The following GRIA2 variants were observed in gnomAD, a reference collection of about 807,000 sequenced individuals.
The protein encoded by GRIA2 is glutamate ionotropic receptor AMPA type subunit 2, also known as glutamate receptor 2.
A neutral mutation model predicts 97.3 loss-of-function variants in GRIA2; 14 were observed. The ratio of observed to expected loss-of-function variants is 0.14; its 90% confidence interval spans 0.10 to 0.23. GRIA2 has a LOEUF of 0.23. GRIA2 is among the 10% of genes least tolerant of loss of function. The pLI, the probability that GRIA2 is intolerant of heterozygous loss-of-function variation, is 1.00. For missense variants in GRIA2, 558 were observed against 1,069.8 expected (o/e 0.52, Z 6.67); for synonymous variants, 412 against 387.8 (o/e 1.06, Z -0.73).
At chr4:157,223,601 T>C (rs1265264629) in intron 2 of GRIA2, among the ~76,000 whole-genome samples, 1 of 152,236 alleles carries the variant, frequency 6.6e-6, no homozygotes, top group Non-Finnish European at 1.5e-5. Flanking sequence ...GAATTACAAG[T>C]TTGTCATGCA....
chr4:157,308,612 T>C (rs1332908778), intron 3 of GRIA2, among the ~76,000 whole-genome samples: 3 of 152,212 alleles, frequency 2.0e-5, no homozygotes, highest in African/African-American at 7.2e-5. Context: ...CCTAATGTAG[T>C]ACTATGGATA....
chr4:157,348,072 C>T (rs369700086), intron 12 of GRIA2, among the ~76,000 whole-genome samples: 74 of 151,732 alleles, frequency 4.9e-4, no homozygotes, highest in African/African-American at 1.8e-3. Flanking sequence ...GCCGGGATCA[C>T]GCCACTGCAC....
chr4:157,257,614 T>C (rs1561013972), intron 2 of GRIA2, among the ~76,000 whole-genome samples: 1 of 152,124 alleles, frequency 6.6e-6, no homozygotes, highest in African/African-American at 2.4e-5. Context: ...GAGACCAGTA[T>C]ATAATTTTCT....
intron 2 of GRIA2, among the ~76,000 whole-genome samples, chr4:157,251,487 G>C (rs1157223599): frequency 6.6e-6 from 1 of 151,968 alleles, no homozygotes; most frequent in Admixed American, 6.6e-5. Context: ...TTTTTCACTG[G>C]AGTCTGTACA....
intron 2 of GRIA2, among the ~76,000 whole-genome samples, chr4:157,240,127 A>T (rs1730438723): frequency 6.6e-6 from 1 of 152,292 alleles, no homozygotes; most frequent in African/African-American, 2.4e-5. Flanking sequence ...ACAAGTTTTA[A>T]AATAATAAAT....
intron 12 of GRIA2, among the ~76,000 whole-genome samples, chr4:157,357,965 A>C (rs80282920): frequency 0.064 from 9,703 of 152,198 alleles, 338 homozygotes; most frequent in Middle Eastern, 0.14. Context: ...AATGCCTCAA[A>C]ATTGATATTT....
At chr4:157,285,445 C>A (rs1732795006) in intron 2 of GRIA2, among the ~76,000 whole-genome samples, 1 of 151,528 alleles carries the variant, frequency 6.6e-6, no homozygotes, top group Middle Eastern at 3.4e-3. Flanking sequence ...CTCCCTGTGT[C>A]TTGCTTACAC....
At position 157,324,616 on chromosome 4, in the gene GRIA2, C is replaced by T. The variant is rs558553822; in HGVS notation, c.882+3017C>T. 2.2e-4 allele frequency among the ~76,000 whole-genome samples: 34 copies of T among 152,242 alleles called. No individual in the cohort carries two copies. The South Asian group carries it at 5.4e-3, about 24-fold the overall frequency. Reference sequence around the variant, plus strand: ...TGTACAGAGACTCGAAGTAAGGCAACAGCATGACAGATCCAGGGAACTGCA... The same window carrying T: ...TGTACAGAGACTCGAAGTAAGGCAATAGCATGACAGATCCAGGGAACTGCA... On this transcript the variant is annotated intron_variant, in intron 6 of 15. Transcript: ENST00000264426.
At chr4:157,345,402 T>G (rs1735724950) in intron 12 of GRIA2, among the ~76,000 whole-genome samples, 1 of 152,060 alleles carries the variant, frequency 6.6e-6, no homozygotes, top group Non-Finnish European at 1.5e-5. Flanking sequence ...GTCTGAATCA[T>G]TTTGGAGTTA....
At chr4:157,277,864 GTATATATGTA>G (rs1271833197) in intron 2 of GRIA2, among the ~76,000 whole-genome samples, 5 of 142,898 alleles carry the variant, frequency 3.5e-5, no homozygotes, top group South Asian at 2.1e-4. Flanking sequence ...GTATATATAT[GTATATATGTA>G]TATATATGTA....
chr4:157,229,867 C>G (rs925598854), intron 2 of GRIA2, among the ~76,000 whole-genome samples: 1 of 152,056 alleles, frequency 6.6e-6, no homozygotes, highest in Non-Finnish European at 1.5e-5. Flanking sequence ...AATACTTTCA[C>G]GCTGATGAAT....
intron 5 of GRIA2, among the ~76,000 whole-genome samples, chr4:157,320,374 G>A (rs1361964072): frequency 2.0e-5 from 3 of 152,086 alleles, no homozygotes; most frequent in Non-Finnish European, 4.4e-5. Context: ...AGAAAGAGCA[G>A]TAAAAGTGTC....
chr4:157,232,879 C>T (rs897998847), intron 2 of GRIA2, among the ~76,000 whole-genome samples: 13 of 152,122 alleles, frequency 8.5e-5, no homozygotes, highest in Non-Finnish European at 1.9e-4. Flanking sequence ...AGATGTATGA[C>T]ATTGGACAAG....
chr4:157,259,896 C>T (rs561536024), intron 2 of GRIA2, among the ~76,000 whole-genome samples: 30 of 152,086 alleles, frequency 2.0e-4, no homozygotes, highest in Non-Finnish European at 3.5e-4. Flanking sequence ...TTTGATTACA[C>T]ATATTTTTTA....
chr4:157,348,090 G>A (rs13110430), intron 12 of GRIA2, among the ~76,000 whole-genome samples: 109,792 of 151,620 alleles, frequency 0.72, 40,280 homozygotes, highest in South Asian at 0.86. Flanking sequence ...CACTCCAGCC[G>A]GGCAACAGAG....
At position 157,312,814 on chromosome 4, in the gene GRIA2, A is replaced by T. The variant is rs752682206; in HGVS notation, c.605A>T (p.Lys202Ile). 1 of 1,612,548 alleles carries T rather than the reference A, an allele frequency of 6.2e-7. No homozygotes were observed. Among genetic ancestry groups the T allele is most frequent in the Non-Finnish European group, 8.5e-7 (1 of 1,178,830 alleles). ...TCACTTTTTCAAGATCTGGAGTTAAAAAAGGAACGGCGTGTAATTCTGGAC... is the reference window on the plus strand; with the variant it reads ...TCACTTTTTCAAGATCTGGAGTTAATAAAGGAACGGCGTGTAATTCTGGAC... ...YRSLFQDLEL[K>I]KERRVILDCE... Residue 202 changes from lysine (K) to isoleucine (I), a missense_variant, in exon 4 of 16, where the codon AAA becomes ATA. Physicochemically the swap from Lys to Ile is moderately radical, Grantham distance 102. Transcript: ENST00000264426.
intron 12 of GRIA2, among the ~76,000 whole-genome samples, chr4:157,359,357 T>G (rs1736536030): frequency 6.6e-6 from 1 of 152,176 alleles, no homozygotes; most frequent in Admixed American, 6.6e-5. Context: ...AAGAATATTC[T>G]TTTAAAAATC....
intron 2 of GRIA2, among the ~76,000 whole-genome samples, chr4:157,248,613 A>ATGTATATATACGTATATATATACACC (rs1730866038): frequency 1.3e-4 from 9 of 67,462 alleles, no homozygotes; most frequent in Non-Finnish European, 2.1e-4. Context: ...GTATATATAC[A>ATGTATATATACGTATATATATACACC]TGTATATATA....
intron 8 of GRIA2, 23 bp from the exon 9 acceptor site, chr4:157,333,987 C>T (rs1455084259): frequency 9.2e-7 from 1 of 1,090,222 alleles, no homozygotes; most frequent in Admixed American, 1.7e-5. Flanking sequence ...ATCCATACAC[C>T]TGTCTGCTGT....
Sources: allele counts gnomAD v4.1 joint callset (sites outside exome capture counted in the v4.1 genomes callset), GRCh38; gene constraint gnomAD v4.1.1; transcripts MANE v1.5; gene names NCBI Gene and HGNC (gene_info 2026-07-23, HGNC 2026-07-21).